The following RAB39A variants were observed in gnomAD, a reference collection of about 807,000 sequenced individuals.
RAB39A encodes the protein ras-related protein Rab-39A.
In RAB39A, 17 loss-of-function variants were observed where a neutral mutation model predicts 20.9. The observed-to-expected ratio is 0.81, with a 90% CI of 0.56 to 1.22. The LOEUF (loss-of-function observed/expected upper bound fraction) is 1.22. Ranked by LOEUF, RAB39A falls within the 50% of genes most tolerant of loss-of-function variation. RAB39A has a pLI of 0.00. For synonymous variants in RAB39A, 99 were observed against 103.4 expected (o/e 0.96, Z 0.26); for missense variants, 234 against 270.5 (o/e 0.87, Z 0.95).
In RAB39A at chr11:107,928,517, C is replaced by T. The variant is rs894080064; in HGVS notation, c.-52C>T. ...GTGCTGAAAGGACAGTTCCCGCCGCCGAACTTAGCCCGCGGGTGGGGCGGC... is the reference window on the plus strand; with the variant it reads ...GTGCTGAAAGGACAGTTCCCGCCGCTGAACTTAGCCCGCGGGTGGGGCGGC... On this transcript the variant is annotated 5_prime_UTR_variant, in exon 1 of 2. Coordinates refer to ENST00000320578, the MANE Select transcript of RAB39A (RefSeq NM_017516.3). The surrounding 1 kb of genome is among the most constrained non-coding windows in gnomAD (Gnocchi z 4.9). 2.2e-6 allele frequency: 3 copies of T among 1,359,148 alleles called. No homozygotes were observed. The highest frequency in any genetic ancestry group is 2.9e-6 in the Non-Finnish European group (3 of 1,026,748). 84.2% of individuals were successfully genotyped at this position (1,359,148 alleles called of 1,614,324 possible). A position where few individuals can be genotyped will look rare whatever the true frequency, so the allele number is the denominator to read the frequency against.
chr11:107,929,068 C>T (rs1179546711), intron 1 of RAB39A, among the ~76,000 whole-genome samples: 1 of 152,200 alleles, frequency 6.6e-6, no homozygotes, highest in Admixed American at 6.5e-5. Flanking sequence ...TCCTCGCCGC[C>T]CCCTCTTCCC....
chr11:107,936,608 T>A (rs1050785682), intron 1 of RAB39A, among the ~76,000 whole-genome samples: 1 of 152,216 alleles, frequency 6.6e-6, no homozygotes, highest in African/African-American at 2.4e-5. Context: ...AAATTAGTTA[T>A]TTTTGGTTTT....
At chr11:107,937,157 A>G (rs758430304) in intron 1 of RAB39A, among the ~76,000 whole-genome samples, 10 of 152,088 alleles carry the variant, frequency 6.6e-5, no homozygotes, top group East Asian at 1.9e-4. Context: ...TTTTTTAGAG[A>G]CAGAGTTTTG....
At chr11:107,952,594 A>G (rs71488288) in intron 1 of RAB39A, among the ~76,000 whole-genome samples, 11,117 of 151,680 alleles carry the variant, frequency 0.073, 524 homozygotes, top group African/African-American at 0.14. Context: ...AAATAAAAAT[A>G]AAGAAGGCCA....
At chr11:107,939,442 T>C (rs1166089315) in intron 1 of RAB39A, among the ~76,000 whole-genome samples, 1 of 128,404 alleles carries the variant, frequency 7.8e-6, no homozygotes, top group Non-Finnish European at 1.7e-5. Flanking sequence ...CCGTCTCTAC[T>C]AAAAATACAA....
chr11:107,950,892 A>T (rs1861372095), intron 1 of RAB39A, among the ~76,000 whole-genome samples: 1 of 152,154 alleles, frequency 6.6e-6, no homozygotes, highest in Non-Finnish European at 1.5e-5. Flanking sequence ...AGGAAAATAG[A>T]GTGTAAATGC....
chr11:107,929,083 T>C (rs1273033940), intron 1 of RAB39A, among the ~76,000 whole-genome samples: 2 of 152,106 alleles, frequency 1.3e-5, no homozygotes, highest in Non-Finnish European at 1.5e-5. Flanking sequence ...CTTCCCCAAC[T>C]CTTTCAGCCC....
At chr11:107,940,504 T>A (rs1487420611) in intron 1 of RAB39A, among the ~76,000 whole-genome samples, 1 of 152,052 alleles carries the variant, frequency 6.6e-6, no homozygotes, top group Non-Finnish European at 1.5e-5. Context: ...CCTCAAATCA[T>A]CTGTCTGCCT....
intron 1 of RAB39A, among the ~76,000 whole-genome samples, chr11:107,939,905 C>CCG (rs1410113885): frequency 6.6e-6 from 1 of 152,144 alleles, no homozygotes; most frequent in African/African-American, 2.4e-5. Flanking sequence ...GTCCATGGAT[C>CCG]ACCGCAGTGA....
chr11:107,945,269 G>A (rs949137048), intron 1 of RAB39A, among the ~76,000 whole-genome samples: 1 of 140,176 alleles, frequency 7.1e-6, no homozygotes, highest in African/African-American at 2.7e-5. Flanking sequence ...GATCGCCTGA[G>A]CTCATGAGTT....
At position 107,962,117 on chromosome 11, in the gene RAB39A, A is replaced by T; in HGVS notation, c.399A>T (p.Ser133=). ...TGGGACATAAATGTGATTTAGCTTC[A>T]CAACGTCAAGTTACAAGGGAAGAAG... ...LLVGHKCDLA[S]QRQVTREEAE... is the part of the protein sequence containing the mutation. Residue 133 remains serine (S), a synonymous_variant, in exon 2 of 2, where the codon TCA becomes TCT. Coordinates refer to ENST00000320578, the MANE Select transcript of RAB39A (RefSeq NM_017516.3). 6.2e-7 allele frequency: 1 copy of T among 1,614,158 alleles called. No homozygotes were observed. The highest frequency in any genetic ancestry group is 8.5e-7 in the Non-Finnish European group (1 of 1,180,010).
At chr11:107,941,845 C>T (rs937187820) in intron 1 of RAB39A, among the ~76,000 whole-genome samples, 1 of 152,152 alleles carries the variant, frequency 6.6e-6, no homozygotes, top group African/African-American at 2.4e-5. Context: ...GTAATCCCAG[C>T]ACTTTGGGAG....
At chr11:107,955,686 A>G (rs1591248873) in intron 1 of RAB39A, among the ~76,000 whole-genome samples, 1 of 152,198 alleles carries the variant, frequency 6.6e-6, no homozygotes. Flanking sequence ...TAAAAATACA[A>G]AATTAGCCAC....
intron 1 of RAB39A, among the ~76,000 whole-genome samples, chr11:107,952,589 A>G (rs1328781150): frequency 6.6e-6 from 1 of 151,828 alleles, no homozygotes; most frequent in African/African-American, 2.4e-5. Context: ...CTCAAAAATA[A>G]AAATAAAGAA....
intron 1 of RAB39A, among the ~76,000 whole-genome samples, chr11:107,956,886 CAA>C (rs1444169727): frequency 2.6e-5 from 4 of 152,072 alleles, no homozygotes; most frequent in Non-Finnish European, 5.9e-5. Flanking sequence ...TCATTGAACT[CAA>C]GATATGGAAG....
chr11:107,930,724 T>G (rs983936963), intron 1 of RAB39A, among the ~76,000 whole-genome samples: 6 of 151,766 alleles, frequency 4.0e-5, no homozygotes, highest in African/African-American at 1.5e-4. Context: ...GGCATGGTGG[T>G]GTGTGCCCGT....
intron 1 of RAB39A, among the ~76,000 whole-genome samples, chr11:107,952,207 G>C (rs1046200150): frequency 6.6e-6 from 1 of 152,140 alleles, no homozygotes; most frequent in Non-Finnish European, 1.5e-5. Context: ...ACATACAATG[G>C]AACATTATTC....
chr11:107,951,674 C>G (rs186908114), intron 1 of RAB39A, among the ~76,000 whole-genome samples: 84 of 117,076 alleles, frequency 7.2e-4, no homozygotes, highest in African/African-American at 2.8e-3. Flanking sequence ...CGCTGAAATT[C>G]AGTGGCGCAG....
chr11:107,945,901 A>C (rs936395310), intron 1 of RAB39A, among the ~76,000 whole-genome samples: 4 of 152,158 alleles, frequency 2.6e-5, no homozygotes, highest in Non-Finnish European at 5.9e-5. Flanking sequence ...GTTATGTTGG[A>C]TGCTAAAACT....
Sources: allele counts gnomAD v4.1 joint callset (sites outside exome capture counted in the v4.1 genomes callset), GRCh38; gene constraint gnomAD v4.1.1; non-coding constraint Gnocchi (gnomAD v3.1); transcripts MANE v1.5; gene names NCBI Gene and HGNC (gene_info 2026-07-23, HGNC 2026-07-21).